Variants in BMP5 observed in about 807,000 individuals in gnomAD.
The protein encoded by BMP5 is bone morphogenetic protein 5.
In BMP5, 23 loss-of-function variants were observed where a neutral mutation model predicts 46.6. The observed-to-expected ratio is 0.49, with a 90% CI of 0.35 to 0.70. The LOEUF (loss-of-function observed/expected upper bound fraction) is 0.70. Ranked by LOEUF, BMP5 falls within the 30% of genes least tolerant of loss-of-function variation. The probability of loss-of-function intolerance (pLI) is 0.00; values close to 1 mark genes in which losing one functional copy is unlikely to be tolerated. For synonymous variants in BMP5, 204 were observed against 191.9 expected, an observed-to-expected ratio of 1.06 and a Z score of -0.52; for missense variants, 545 against 565.6, an observed-to-expected ratio of 0.96 and a Z score of 0.37.
intron 1 of BMP5, among the ~76,000 whole-genome samples, chr6:55,863,857 T>G (rs1777577884): frequency 6.6e-6 from 1 of 152,122 alleles, no homozygotes. Context: ...GCTATAGAGG[T>G]GTGTAGCTTA....
chr6:55,842,029 T>C (rs1248219852), intron 1 of BMP5, among the ~76,000 whole-genome samples: 1 of 152,194 alleles, frequency 6.6e-6, no homozygotes, highest in Non-Finnish European at 1.5e-5. Context: ...TAGATTTCTA[T>C]TAACCGCTAT....
At chr6:55,852,521 C>T (rs1406898150) in intron 1 of BMP5, among the ~76,000 whole-genome samples, 1 of 151,872 alleles carries the variant, frequency 6.6e-6, no homozygotes, top group African/African-American at 2.4e-5. Flanking sequence ...TTTTCTACTT[C>T]TACTGTCATT....
At chr6:55,800,341 G>A (rs567868224) in intron 2 of BMP5, among the ~76,000 whole-genome samples, 27 of 152,246 alleles carry the variant, frequency 1.8e-4, no homozygotes, top group South Asian at 1.2e-3. Context: ...ATTAAAATAT[G>A]TATGCGAAAT....
rs772524460 is a variant in BMP5 at position 55,874,759 on chromosome 6, G to T, written c.107C>A (p.Ser36Tyr). ...CCGTAGTCTTCTATAAATAAAACTG[G>T]AGTGAACATGATTGTCTCCCAAACC... Reference protein sequence around the residue: ...KGGLGDNHVHSSFIYRRLRNH... With the variant: ...KGGLGDNHVHYSFIYRRLRNH... Residue 36 changes from serine to tyrosine, a missense_variant, in exon 1 of 7, where the codon TCC becomes TAC. Transcript: ENST00000370830. 1.2e-6 allele frequency: 2 copies of T among 1,613,310 alleles called. No homozygotes were observed. Among genetic ancestry groups the T allele is most frequent in the Non-Finnish European group, 1.7e-6 (2 of 1,179,592 alleles).
chr6:55,834,970 C>A (rs1776754783), intron 1 of BMP5, among the ~76,000 whole-genome samples: 1 of 151,940 alleles, frequency 6.6e-6, no homozygotes, highest in Admixed American at 6.6e-5. Flanking sequence ...CCTATAATCC[C>A]AGCTAGTCAG....
rs1371005390 is a variant in BMP5, at chr6:55,871,672, C to T, written c.490+2704G>A. Among the ~76,000 whole-genome samples the T allele has an allele frequency of 5.3e-5, 8 of 151,852 alleles. No homozygotes were observed. In the East Asian group the frequency reaches 1.5e-3, roughly 29 times the overall value. ...GTTTAATTGTTCTTCGTGACCAAAA[C>T]TATGTTGAAAAAAGAATTTCTGAAT... On this transcript the variant is annotated intron_variant, in intron 1 of 6. Transcript: ENST00000370830.
At chr6:55,783,466 T>C (rs953799774) in intron 3 of BMP5, among the ~76,000 whole-genome samples, 1 of 152,048 alleles carries the variant, frequency 6.6e-6, no homozygotes, top group Non-Finnish European at 1.5e-5. Context: ...AGATACACTG[T>C]GGTTGCTCAT....
intron 4 of BMP5, chr6:55,773,018 T>C: frequency 1.5e-6 from 1 of 682,694 alleles, no homozygotes; most frequent in Non-Finnish European, 1.8e-6. Flanking sequence ...CATTTTCAAG[T>C]AACCTGAGAA....
chr6:55,755,758 A>AT, intron 6 of BMP5, 76 bp from the exon 7 acceptor site: 1 of 1,385,332 alleles, frequency 7.2e-7, no homozygotes, highest in South Asian at 1.2e-5. Flanking sequence ...TGGTATGATT[A>AT]TTTTATCACT....
intron 2 of BMP5, among the ~76,000 whole-genome samples, chr6:55,802,717 T>C (rs1775879426): frequency 6.6e-6 from 1 of 152,054 alleles, no homozygotes; most frequent in Non-Finnish European, 1.5e-5. Context: ...TATGTTTTTG[T>C]ATTAAATATA....
intron 2 of BMP5, among the ~76,000 whole-genome samples, chr6:55,803,188 C>A (rs973467077): frequency 1.3e-5 from 2 of 151,324 alleles, no homozygotes; most frequent in Admixed American, 6.6e-5. Flanking sequence ...CCCAGCTACT[C>A]GGGAGGCTGA....
chr6:55,844,893 A>G (rs907968032), intron 1 of BMP5, among the ~76,000 whole-genome samples: 1 of 152,058 alleles, frequency 6.6e-6, no homozygotes, highest in African/African-American at 2.4e-5. Flanking sequence ...CTAAAAATGT[A>G]TATTTTGAAA....
rs1775116251 is a variant in BMP5 at position 55,774,211 on chromosome 6, C to T, written c.865G>A (p.Val289Met). The T allele has an allele frequency of 6.2e-7, 1 of 1,613,042 alleles. No homozygotes were observed. The highest frequency in any genetic ancestry group is 2.2e-5 in the East Asian group (1 of 44,834). Residue 289 changes from valine to methionine, a missense_variant, in exon 4 of 7, where the codon GTG becomes ATG. Transcript: ENST00000370830. ...TTTGACTGAGGTCCCTGTCTTCCCA[C>T]AAGACCAGCAGATTTTACGTTGATA... is the stretch of plus-strand genomic sequence containing the variant. ...RSINVKSAGL[V>M]GRQGPQSKQP...
Position 55,755,676 on chromosome 6 carries a change from G to C in BMP5, c.1222C>G (p.Leu408Val). 1 of 1,611,868 alleles carries C rather than the reference G, an allele frequency of 6.2e-7. No individual in the cohort carries two copies. The highest frequency in any genetic ancestry group is 8.5e-7 in the Non-Finnish European group (1 of 1,178,510). The part of the protein sequence containing the change: ...NHAIVQTLVH[L>V]MFPDHVPKPC... Reference sequence around the variant, plus strand: ...TTTGGTACGTGGTCAGGAAACATCAGATGAACCTGGGAAAGAAAAAAGGTT... The same window carrying C: ...TTTGGTACGTGGTCAGGAAACATCACATGAACCTGGGAAAGAAAAAAGGTT... Residue 408 changes from leucine to valine, a missense_variant, in exon 7 of 7, where the codon CTG becomes GTG. Physicochemically the swap from Leu to Val is conservative, Grantham distance 32. Coordinates refer to ENST00000370830, the MANE Select transcript of BMP5 (RefSeq NM_021073.4).
chr6:55,784,140 G>A (rs1325691969), intron 3 of BMP5, among the ~76,000 whole-genome samples: 1 of 151,858 alleles, frequency 6.6e-6, no homozygotes, highest in African/African-American at 2.4e-5. Context: ...ATCTGCCAGT[G>A]TAAGATGTTC....
intron 1 of BMP5, among the ~76,000 whole-genome samples, chr6:55,844,773 T>C (rs753638611): frequency 1.3e-5 from 2 of 151,920 alleles, no homozygotes; most frequent in African/African-American, 2.4e-5. Context: ...CTAAGAATAC[T>C]TATAATTTCA....
At chr6:55,794,813 G>C (rs1320765614) in intron 2 of BMP5, among the ~76,000 whole-genome samples, 1 of 152,144 alleles carries the variant, frequency 6.6e-6, no homozygotes, top group Non-Finnish European at 1.5e-5. Flanking sequence ...CAGTTTGGAT[G>C]AATGTGAATT....
At chr6:55,789,285 G>A (rs571406769) in intron 3 of BMP5, among the ~76,000 whole-genome samples, 2 of 151,866 alleles carry the variant, frequency 1.3e-5, no homozygotes, top group South Asian at 4.1e-4. Flanking sequence ...TGAAAACATA[G>A]GGCTTTTTAA....
chr6:55,796,842 G>A (rs997971181), intron 2 of BMP5, among the ~76,000 whole-genome samples: 3 of 152,046 alleles, frequency 2.0e-5, no homozygotes, highest in African/African-American at 7.2e-5. Context: ...CTGAATTTCG[G>A]TGATGCAAAT....
Sources: gnomAD v4.1 joint callset for allele counts (sites outside exome capture counted in the v4.1 genomes callset) on GRCh38, gnomAD v4.1.1 for gene constraint, MANE v1.5 for transcripts, NCBI Gene and HGNC (gene_info 2026-07-23, HGNC 2026-07-21) for gene names.